SLC35D4: variants seen among roughly 807,000 people sequenced by gnomAD.
The protein encoded by SLC35D4 is UDP-N-acetylglucosamine transporter SLC35D4.
the SLC35D4 span, among the ~76,000 whole-genome samples, chr18:23,279,162 A>G: frequency 6.6e-6 from 1 of 152,162 alleles, no homozygotes; most frequent in Non-Finnish European, 1.5e-5. Context: ...TCCAACTTCA[A>G]ACTTGCCTCA....
At chr18:23,375,910 T>C in the SLC35D4 span, among the ~76,000 whole-genome samples, 1 of 152,236 alleles carries the variant, frequency 6.6e-6, no homozygotes, top group African/African-American at 2.4e-5. Context: ...GAGTTTCATA[T>C]GCCAAAAGCT....
chr18:23,374,915 G>T, the SLC35D4 span, among the ~76,000 whole-genome samples: 2,522 of 152,130 alleles, frequency 0.017, 34 homozygotes, highest in South Asian at 0.045. Flanking sequence ...AGGAGTTTGA[G>T]CCCAGCCTGG....
At chr18:23,269,809 C>T in the SLC35D4 span, among the ~76,000 whole-genome samples, 156 of 152,182 alleles carry the variant, frequency 1.0e-3, no homozygotes, top group Non-Finnish European at 1.5e-3. Flanking sequence ...TGCCCCTTCC[C>T]TAGAGATCTG....
the SLC35D4 span, among the ~76,000 whole-genome samples, chr18:23,424,962 T>C: frequency 0.027 from 4,035 of 152,230 alleles, 60 homozygotes; most frequent in Middle Eastern, 0.061. Flanking sequence ...TAAACATTTT[T>C]TTAAAAGAAG....
chr18:23,283,547 C>T, the SLC35D4 span, among the ~76,000 whole-genome samples: 4 of 151,132 alleles, frequency 2.6e-5, no homozygotes, highest in Non-Finnish European at 4.4e-5. Flanking sequence ...CAGTGGCTCA[C>T]GCCTCTAATC....
At chr18:23,328,966 T>C in the SLC35D4 span, among the ~76,000 whole-genome samples, 2 of 152,216 alleles carry the variant, frequency 1.3e-5, no homozygotes, top group East Asian at 1.9e-4. Flanking sequence ...AAAGATTCCC[T>C]ATTTAATAAA....
the SLC35D4 span, among the ~76,000 whole-genome samples, chr18:23,292,494 G>T: frequency 6.6e-6 from 1 of 152,350 alleles, no homozygotes. Flanking sequence ...CACAGACCCT[G>T]CCCGGTGGCA....
chr18:23,339,942 A>G, the SLC35D4 span, among the ~76,000 whole-genome samples: 1 of 152,232 alleles, frequency 6.6e-6, no homozygotes, highest in African/African-American at 2.4e-5. Context: ...TTAGGGGAAC[A>G]TAGACATTCA....
At chr18:23,396,439 T>C in the SLC35D4 span, among the ~76,000 whole-genome samples, 6 of 152,178 alleles carry the variant, frequency 3.9e-5, no homozygotes, top group Non-Finnish European at 8.8e-5. Context: ...TAAGCAACGA[T>C]GTAAAAACAA....
chr18:23,416,128 T>C, the SLC35D4 span, among the ~76,000 whole-genome samples: 1 of 152,198 alleles, frequency 6.6e-6, no homozygotes, highest in Non-Finnish European at 1.5e-5. Flanking sequence ...GGAGAATTGC[T>C]TGAACCCGGG....
At chr18:23,265,591 T>G in the SLC35D4 span, among the ~76,000 whole-genome samples, 1 of 150,264 alleles carries the variant, frequency 6.7e-6, no homozygotes, top group Non-Finnish European at 1.5e-5. Context: ...GGAAAAAAGT[T>G]TGGCTACAAT....
At chr18:23,376,800 C>T in the SLC35D4 span, 5 of 456,370 alleles carry the variant, frequency 1.1e-5, no homozygotes, top group African/African-American at 4.0e-5. Flanking sequence ...TGCCTGCCTT[C>T]CCACCCCACC....
At chr18:23,437,701 G>A in the SLC35D4 span, 6 of 1,439,716 alleles carry the variant, frequency 4.2e-6, no homozygotes, top group East Asian at 2.5e-5. Context: ...AAAGCAGGAG[G>A]AGGCTCCGTT....
the SLC35D4 span, among the ~76,000 whole-genome samples, chr18:23,369,919 G>A: frequency 2.6e-5 from 4 of 152,158 alleles, no homozygotes; most frequent in African/African-American, 7.2e-5. Flanking sequence ...GGTGGCTCAC[G>A]CCTGTAATCC....
chr18:23,348,440 A>G, the SLC35D4 span, among the ~76,000 whole-genome samples: 26 of 152,336 alleles, frequency 1.7e-4, no homozygotes, highest in African/African-American at 5.8e-4. Flanking sequence ...GCAGTATTGA[A>G]ATCTCCAATT....
At chr18:23,337,578 G>A in the SLC35D4 span, among the ~76,000 whole-genome samples, 1 of 151,880 alleles carries the variant, frequency 6.6e-6, no homozygotes, top group East Asian at 1.9e-4. Context: ...CAGAAACATC[G>A]AGAGTTTTAC....
At chr18:23,257,126 C>T in the SLC35D4 span, 7 of 1,354,072 alleles carry the variant, frequency 5.2e-6, no homozygotes, top group Admixed American at 4.0e-5. Context: ...GTGGATTTCT[C>T]CTGAGCACTC....
chr18:23,378,867 T>C, the SLC35D4 span, among the ~76,000 whole-genome samples: 1 of 152,244 alleles, frequency 6.6e-6, no homozygotes, highest in Non-Finnish European at 1.5e-5. Context: ...CTACAAAGGC[T>C]ACCTTAAGTT....
chr18:23,404,156 T>A, the SLC35D4 span, among the ~76,000 whole-genome samples: 3 of 152,148 alleles, frequency 2.0e-5, no homozygotes, highest in East Asian at 1.9e-4. Context: ...TTCTTCAACA[T>A]AATGTCTCCC....
Sources: allele counts gnomAD v4.1 joint callset (sites outside exome capture counted in the v4.1 genomes callset), GRCh38; gene constraint gnomAD v4.1.1; transcripts MANE v1.5; gene names NCBI Gene and HGNC (gene_info 2026-07-23, HGNC 2026-07-21).